Variants in POTEE observed in about 807,000 individuals in gnomAD.
POTEE encodes the protein ANKRD26-like family C member 1A.
In POTEE, 21 loss-of-function variants were observed where a neutral mutation model predicts 74.2. The ratio of observed to expected loss-of-function variants is 0.28; its 90% confidence interval spans 0.20 to 0.41. The LOEUF (loss-of-function observed/expected upper bound fraction) is 0.41, where lower values mean the gene tolerates loss of function less well. Among genes scored for constraint, POTEE ranks in the 10% least tolerant of loss-of-function variants. The pLI is 1.00. For missense variants in POTEE, 525 were observed against 1,158.6 expected (o/e 0.45, Z 7.94); for synonymous variants, 211 against 432.8 (o/e 0.49, Z 6.36).
At chr2:131,222,697 T>C (rs953500095) in intron 4 of POTEE, among the ~76,000 whole-genome samples, 1 of 152,372 alleles carries the variant, frequency 6.6e-6, no homozygotes, top group South Asian at 2.1e-4. Context: ...AATCTAAGTA[T>C]TGAAAAAAAT....
At chr2:131,219,258 A>G (rs1255851366) in intron 4 of POTEE, among the ~76,000 whole-genome samples, 1 of 151,584 alleles carries the variant, frequency 6.6e-6, no homozygotes, top group Non-Finnish European at 1.5e-5. Context: ...AAAAGTGTAT[A>G]TTGAGAACTA....
intron 2 of POTEE, among the ~76,000 whole-genome samples, chr2:131,215,456 A>C (rs1700427935): frequency 6.6e-6 from 1 of 151,962 alleles, no homozygotes; most frequent in Non-Finnish European, 1.5e-5. Context: ...GTCTTTACAA[A>C]TTTTTACTAG....
In POTEE at chr2:131,240,253, G is replaced by A. The variant is rs1258649214; in HGVS notation, c.1409+809G>A. 4.8e-5 allele frequency among the ~76,000 whole-genome samples: 2 copies of A among 41,534 alleles called. 1 individual carries two copies. Among genetic ancestry groups the A allele is most frequent in the East Asian group, 1.2e-3 (2 of 1,624 alleles). 27.2% of individuals were successfully genotyped at this position (41,534 alleles called of 152,430 possible). On this transcript the variant is annotated intron_variant, in intron 12 of 17. Transcript: ENST00000683005. ...AGTAAATCATTACCAATTGGAAATA[G>A]CTCAATTTTCATACCCAGAAATTAA...
intron 12 of POTEE, among the ~76,000 whole-genome samples, chr2:131,239,944 C>G (rs1400546361): frequency 6.6e-6 from 1 of 151,082 alleles, no homozygotes; most frequent in Non-Finnish European, 1.5e-5. Flanking sequence ...ATCTTCTGTT[C>G]CTGCATTAGT....
intron 4 of POTEE, among the ~76,000 whole-genome samples, chr2:131,221,062 T>G (rs1404765651): frequency 6.6e-6 from 1 of 152,212 alleles, no homozygotes; most frequent in Non-Finnish European, 1.5e-5. Context: ...ATTTAAAGTT[T>G]AAATTGCTAC....
intron 6 of POTEE, among the ~76,000 whole-genome samples, chr2:131,224,989 C>T (rs912794159): frequency 9.2e-5 from 14 of 151,970 alleles, no homozygotes; most frequent in East Asian, 5.8e-4. Context: ...CTTCTCTTAC[C>T]GGGGAAAATC....
At position 131,218,430 on chromosome 2, in the gene POTEE, G is replaced by A. The variant is rs1278421101; in HGVS notation, c.28G>A (p.Ala10Thr). 1 of 1,613,166 alleles carries A rather than the reference G, an allele frequency of 6.2e-7. No individual in the cohort carries two copies. Among genetic ancestry groups the A allele is most frequent in the Non-Finnish European group, 8.5e-7 (1 of 1,179,800 alleles). ...GGTGGTTGAGGTTGATTCCATGCCGGCTGCCTCTTCTGTGAAGAAGCCATT... is the reference window on the plus strand; with the variant it reads ...GGTGGTTGAGGTTGATTCCATGCCGACTGCCTCTTCTGTGAAGAAGCCATT... MVVEVDSMP[A>T]ASSVKKPFGL... Residue 10 changes from alanine to threonine, a missense_variant, in exon 4 of 18, where the codon GCT (alanine) becomes ACT (threonine). By Grantham distance (58) the Ala-to-Thr change is moderately conservative (BLOSUM62 0). Transcript: ENST00000683005.
At position 131,262,891 on chromosome 2, in the gene POTEE, G is replaced by C. The variant is rs1251779147; in HGVS notation, c.1900-464G>C. Among the ~76,000 whole-genome samples, 11 of 152,348 alleles carry C rather than the reference G, an allele frequency of 7.2e-5. No homozygotes were observed. The South Asian group carries it at 1.5e-3, about 20-fold the overall frequency. ...GAAACTTAAAGAACTTTGAGAAATT[G>C]CTTCTGTCCAAATATATGCATAGCT... is the stretch of plus-strand genomic sequence containing the variant. On this transcript the variant is annotated intron_variant, in intron 17 of 17. Coordinates refer to ENST00000683005, the MANE Select transcript of POTEE (RefSeq NM_001083538.3).
chr2:131,236,024 G>A (rs948388741), intron 9 of POTEE, among the ~76,000 whole-genome samples: 4 of 152,040 alleles, frequency 2.6e-5, no homozygotes, highest in Non-Finnish European at 4.4e-5. Flanking sequence ...ATTTGCATCC[G>A]AAAGCTGAGC....
Position 131,263,955 on chromosome 2 carries a change from G to T in POTEE, c.2500G>T (p.Val834Leu). 1 of 1,614,054 alleles carries T rather than the reference G, an allele frequency of 6.2e-7. No homozygotes were observed. The highest frequency in any genetic ancestry group is 8.5e-7 in the Non-Finnish European group (1 of 1,179,946). Reference sequence around the variant, plus strand: ...GACCTTCAACACCCCAGCCATGTACGTGGCCATCCAGGCCGTGCCGTCCCT... The same window carrying T: ...GACCTTCAACACCCCAGCCATGTACTTGGCCATCCAGGCCGTGCCGTCCCT... ...FETFNTPAMY[V>L]AIQAVPSLYT... The change falls in exon 18 of 18, where the codon GTG becomes TTG. Residue 834 changes from valine to leucine, a missense_variant. Coordinates refer to ENST00000683005, the MANE Select transcript of POTEE (RefSeq NM_001083538.3).
chr2:131,210,205 A>C (rs1305767132), intron 1 of POTEE, among the ~76,000 whole-genome samples: 2 of 121,958 alleles, frequency 1.6e-5, no homozygotes, highest in Non-Finnish European at 3.4e-5. Context: ...AGGGTGCGCT[A>C]TCAGGAGCTG....
At chr2:131,225,598 A>T (rs1297890479) in intron 6 of POTEE, among the ~76,000 whole-genome samples, 1 of 138,914 alleles carries the variant, frequency 7.2e-6, no homozygotes, top group African/African-American at 2.7e-5. Flanking sequence ...ATGGGGTCTC[A>T]CTCTGTTTCC....
intron 9 of POTEE, among the ~76,000 whole-genome samples, chr2:131,231,783 A>G (rs956069419): frequency 2.0e-5 from 3 of 152,082 alleles, no homozygotes; most frequent in Admixed American, 2.0e-4. Flanking sequence ...ATAAAAGCAG[A>G]AAAACGTTTC....
chr2:131,223,194 G>T (rs2105075281), intron 4 of POTEE, among the ~76,000 whole-genome samples: 1 of 139,350 alleles, frequency 7.2e-6, no homozygotes, highest in Non-Finnish European at 1.5e-5. Context: ...GCTGTTATTT[G>T]TGTTAGGAAC....
intron 17 of POTEE, among the ~76,000 whole-genome samples, chr2:131,262,953 T>C (rs1469072514): frequency 1.3e-5 from 2 of 151,856 alleles, no homozygotes; most frequent in South Asian, 2.1e-4. Context: ...AGGTTAGATA[T>C]CAGAGTGTAA....
At chr2:131,236,196 C>G (rs967157881) in intron 9 of POTEE, among the ~76,000 whole-genome samples, 1 of 152,086 alleles carries the variant, frequency 6.6e-6, no homozygotes, top group African/African-American at 2.4e-5. Context: ...TTTGTAAAAA[C>G]AGCTCGGAGT....
In POTEE at chr2:131,263,509, A is replaced by G; in HGVS notation, c.2054A>G (p.Lys685Arg). The part of the protein sequence containing the change: ...KYLEDIESVK[K>R]KNDNLLKALQ... ...TTGGAGGATATTGAAAGTGTGAAAAAAAAGAATGATAATCTTTTAAAGGCT... is the reference window on the plus strand; with the variant it reads ...TTGGAGGATATTGAAAGTGTGAAAAGAAAGAATGATAATCTTTTAAAGGCT... The change falls in exon 18 of 18, where the codon AAA becomes AGA. Residue 685 changes from lysine (K) to arginine (R), a missense_variant. Transcript: ENST00000683005. 1 of 1,611,780 alleles carries G rather than the reference A, an allele frequency of 6.2e-7. No homozygotes were observed.
chr2:131,233,536 G>A (rs531637197), intron 9 of POTEE, among the ~76,000 whole-genome samples: 1 of 149,084 alleles, frequency 6.7e-6, no homozygotes, highest in Non-Finnish European at 1.5e-5. Flanking sequence ...GTATTACAAG[G>A]TTTTCACCCG....
At chr2:131,216,895 T>C (rs997365551) in intron 2 of POTEE, among the ~76,000 whole-genome samples, 1 of 151,724 alleles carries the variant, frequency 6.6e-6, no homozygotes, top group Admixed American at 6.6e-5. Flanking sequence ...AGATGGATGA[T>C]TGCCTAGGGC....
Sources: allele counts gnomAD v4.1 joint callset (sites outside exome capture counted in the v4.1 genomes callset), GRCh38; gene constraint gnomAD v4.1.1; transcripts MANE v1.5; gene names NCBI Gene and HGNC (gene_info 2026-07-23, HGNC 2026-07-21).